The following HBEGF variants were observed in gnomAD, a reference collection of about 807,000 sequenced individuals.
The protein encoded by HBEGF is heparin binding EGF like growth factor.
HBEGF carries 8 observed loss-of-function variants against 19.5 expected under a neutral mutation model. That is an observed-to-expected ratio of 0.41 (90% CI 0.24 to 0.74). The LOEUF (loss-of-function observed/expected upper bound fraction) is 0.74. HBEGF is among the 30% of genes least tolerant of loss of function. The probability of loss-of-function intolerance (pLI) is 0.32; values close to 1 mark genes in which losing one functional copy is unlikely to be tolerated. For synonymous variants in HBEGF, 97 were observed against 108.9 expected (o/e 0.89, Z 0.68); for missense variants, 207 against 256.9 (o/e 0.81, Z 1.33).
intron 2 of HBEGF, 118 bp from the exon 3 acceptor site, chr5:140,342,930 G>T (rs1240231718): frequency 1.1e-5 from 12 of 1,045,582 alleles, no homozygotes; most frequent in Non-Finnish European, 1.7e-5. Context: ...ATCTGGGAAG[G>T]CCCCTTAGCT....
chr5:140,335,333 G>A (rs1227348369), intron 4 of HBEGF, among the ~76,000 whole-genome samples: 3 of 145,376 alleles, frequency 2.1e-5, no homozygotes, highest in Non-Finnish European at 4.5e-5. Flanking sequence ...GCAGTGAGCC[G>A]AGATCACACC....
intron 3 of HBEGF, 111 bp from the exon 4 acceptor site, chr5:140,336,138 C>T: frequency 3.7e-6 from 4 of 1,080,874 alleles, no homozygotes; most frequent in Non-Finnish European, 5.3e-6. Flanking sequence ...CCTGTCAATC[C>T]CTGACCACGA....
chr5:140,333,876 A>G lies in HBEGF; in HGVS notation c.*423T>C, dbSNP rs1187574267. 6.6e-6 allele frequency: 1 copy of G among 152,046 alleles called. No individual in the cohort carries two copies. The allele number at this position is 152,046 out of a possible 1,614,324, so 9.4% of individuals were successfully genotyped here. A position where few individuals can be genotyped will look rare whatever the true frequency, so the allele number is the denominator to read the frequency against. Reference sequence around the variant, plus strand: ...TGGTACTTGAGTACATGGCTTCTCAATCTTTGTTGCTTTCTTCCAGTTCAC... The same window carrying G: ...TGGTACTTGAGTACATGGCTTCTCAGTCTTTGTTGCTTTCTTCCAGTTCAC... On this transcript the variant is annotated 3_prime_UTR_variant, in exon 6 of 6. Coordinates refer to ENST00000230990, the MANE Select transcript of HBEGF (RefSeq NM_001945.3).
At chr5:140,343,039 A>G (rs1158338308) in intron 2 of HBEGF, 1 of 538,618 alleles carries the variant, frequency 1.9e-6, no homozygotes, top group East Asian at 2.9e-5. Context: ...GTGGGTCCCA[A>G]GGAAGGCATT....
At chr5:140,338,513 T>G (rs891395467) in intron 3 of HBEGF, among the ~76,000 whole-genome samples, 3 of 152,158 alleles carry the variant, frequency 2.0e-5, no homozygotes, top group African/African-American at 7.2e-5. Flanking sequence ...TCATTCAAAC[T>G]CCACAGGTAG....
intron 3 of HBEGF, 21 bp from the exon 4 acceptor site, chr5:140,336,048 A>C: frequency 6.2e-7 from 1 of 1,611,412 alleles, no homozygotes; most frequent in South Asian, 1.1e-5. Flanking sequence ...ACAGAACAAG[A>C]AGGAGATGGA....
intron 3 of HBEGF, among the ~76,000 whole-genome samples, chr5:140,340,582 C>CAAAAAAAAAAAA (rs61489261): frequency 8.4e-4 from 50 of 59,790 alleles, no homozygotes; most frequent in Non-Finnish European, 1.2e-3. Flanking sequence ...GACTCTGTCT[C>CAAAAAAAAAAAA]AAAAAAAAAA....
Position 140,335,913 on chromosome 5 carries a change from T to G in HBEGF, c.513A>C (p.Ser171=). 1.9e-6 allele frequency: 3 copies of G among 1,614,104 alleles called. No individual in the cohort carries two copies. Among genetic ancestry groups the G allele is most frequent in the Non-Finnish European group, 2.5e-6 (3 of 1,180,026 alleles). Residue 171 remains serine, a synonymous_variant, in exon 4 of 6, where the codon TCA becomes TCC. Transcript: ENST00000230990. ...TILAVVAVVL[S]SVCLLVIVGL... ...CCACGATGACCAGCAGACAGACAGA[T>G]GACAGCACCACAGCCACCACGGCCA...
chr5:140,336,801 T>C (rs1766233136), intron 3 of HBEGF, among the ~76,000 whole-genome samples: 1 of 151,758 alleles, frequency 6.6e-6, no homozygotes, highest in Non-Finnish European at 1.5e-5. Context: ...ATAAATCACA[T>C]GGCAACTGCC....
intron 3 of HBEGF, among the ~76,000 whole-genome samples, chr5:140,337,743 T>C (rs895307118): frequency 3.3e-5 from 5 of 152,152 alleles, no homozygotes; most frequent in East Asian, 1.9e-4. Context: ...ACTATACGTA[T>C]AGCACAGTCC....
intron 3 of HBEGF, among the ~76,000 whole-genome samples, chr5:140,336,650 T>C (rs1324227206): frequency 1.3e-5 from 2 of 152,276 alleles, no homozygotes; most frequent in African/African-American, 4.8e-5. Flanking sequence ...ACTCTGGCCT[T>C]TGGCCTCTGC....
At chr5:140,341,792 G>A (rs1271205408) in intron 3 of HBEGF, among the ~76,000 whole-genome samples, 1 of 152,202 alleles carries the variant, frequency 6.6e-6, no homozygotes, top group Non-Finnish European at 1.5e-5. Context: ...GACGCAGGGT[G>A]TTGGCCTCAG....
intron 3 of HBEGF, among the ~76,000 whole-genome samples, chr5:140,338,417 T>C (rs1766259483): frequency 6.6e-6 from 1 of 152,176 alleles, no homozygotes; most frequent in Non-Finnish European, 1.5e-5. Context: ...GAGCCAGGAT[T>C]CAACAGCAGT....
At chr5:140,343,856 G>A (rs750735715) in intron 2 of HBEGF, among the ~76,000 whole-genome samples, 3 of 152,224 alleles carry the variant, frequency 2.0e-5, no homozygotes, top group Non-Finnish European at 4.4e-5. Flanking sequence ...ATACCATGTG[G>A]CCAGGCACGG....
intron 3 of HBEGF, among the ~76,000 whole-genome samples, chr5:140,339,739 G>T (rs1766280001): frequency 6.6e-6 from 1 of 152,136 alleles, no homozygotes; most frequent in South Asian, 2.1e-4. Context: ...CACAAAAAGG[G>T]TTTTCCTGTT....
intron 2 of HBEGF, among the ~76,000 whole-genome samples, chr5:140,344,604 G>A (rs1766365943): frequency 1.3e-5 from 2 of 152,038 alleles, no homozygotes; most frequent in Admixed American, 1.3e-4. Context: ...CAAAAGAAGG[G>A]AAGAGAAGTA....
intron 3 of HBEGF, among the ~76,000 whole-genome samples, chr5:140,336,809 G>A: frequency 6.6e-6 from 1 of 150,946 alleles, no homozygotes; most frequent in Non-Finnish European, 1.5e-5. Flanking sequence ...CATGGCAACT[G>A]CCTTTTCTTT....
intron 2 of HBEGF, among the ~76,000 whole-genome samples, chr5:140,345,550 TG>T (rs1290579432): frequency 6.6e-6 from 1 of 152,172 alleles, no homozygotes; most frequent in Non-Finnish European, 1.5e-5. Context: ...TCATTTGATA[TG>T]GGAATTAGAA....
At position 140,346,481 on chromosome 5, in the gene HBEGF, G is replaced by A. The variant is rs977321976; in HGVS notation, c.-153C>T. ...GCGTGCAAGCCTGGCCGGGACCCAG[G>A]CGCAGCTCGCTCTTCTTGAGTGTCT... On this transcript the variant is annotated 5_prime_UTR_variant, in exon 1 of 6. Transcript: ENST00000230990. The surrounding 1 kb of genome is among the most constrained non-coding windows in gnomAD (Gnocchi z 6.1). 1.2e-6 allele frequency: 1 copy of A among 808,082 alleles called. No individual in the cohort carries two copies. Among genetic ancestry groups the A allele is most frequent in the Non-Finnish European group, 2.0e-6 (1 of 505,000 alleles). 50.1% of individuals were successfully genotyped at this position (808,082 alleles called of 1,614,324 possible). A position where few individuals can be genotyped will look rare whatever the true frequency, so the allele number is the denominator to read the frequency against.
Sources: gnomAD v4.1 joint callset for allele counts (sites outside exome capture counted in the v4.1 genomes callset) on GRCh38, gnomAD v4.1.1 for gene constraint, Gnocchi (gnomAD v3.1) non-coding constraint, MANE v1.5 for transcripts, NCBI Gene and HGNC (gene_info 2026-07-23, HGNC 2026-07-21) for gene names.